PDS5B: variants seen among roughly 807,000 people sequenced by gnomAD.
PDS5B encodes PDS5 cohesin associated factor B.
PDS5B carries 51 observed loss-of-function variants against 184.1 expected under a neutral mutation model. The ratio of observed to expected loss-of-function variants is 0.28; its 90% CI spans 0.22 to 0.35. PDS5B has a LOEUF of 0.35. PDS5B is among the 10% of genes least tolerant of loss of function. The pLI, the probability that PDS5B is intolerant of heterozygous loss-of-function variation, is 1.00. For synonymous variants in PDS5B, 566 were observed against 569.2 expected (o/e 0.99, Z 0.08); for missense variants, 1,180 against 1,723.3 (o/e 0.68, Z 5.58).
chr13:32,682,985 C>A (rs1951287138), intron 10 of PDS5B, among the ~76,000 whole-genome samples: 1 of 151,860 alleles, frequency 6.6e-6, no homozygotes, highest in Non-Finnish European at 1.5e-5. Context: ...TTGTTGTGAT[C>A]TCTTCTCTTG....
intron 12 of PDS5B, 37 bp from the exon 13 acceptor site, chr13:32,688,417 GAA>G: frequency 9.6e-7 from 1 of 1,041,778 alleles, no homozygotes; most frequent in Non-Finnish European, 1.4e-6. Flanking sequence ...TAGAACATTA[GAA>G]AAAAATCAAT....
intron 33 of PDS5B, among the ~76,000 whole-genome samples, chr13:32,772,796 G>T (rs1954834296): frequency 1.3e-5 from 2 of 152,274 alleles, no homozygotes; most frequent in Admixed American, 1.3e-4. Context: ...TGGAGATGTG[G>T]AGAGAAGTGA....
chr13:32,673,467 A>T, intron 8 of PDS5B, 111 bp downstream of exon 8: 1 of 841,400 alleles, frequency 1.2e-6, no homozygotes, highest in East Asian at 2.7e-5. Context: ...GATGAGGGGG[A>T]AGTATTACTA....
At position 32,777,857 on chromosome 13, in the gene PDS5B, C is replaced by A. The variant is rs7326102; in HGVS notation, c.*2805C>A. ...CTGATTTTTAAGATTTCCTTTTGTC[C>A]ACTTGTAAGAATGTCAGGAATTTAA... On this transcript the variant is annotated 3_prime_UTR_variant, in exon 35 of 35. Coordinates refer to ENST00000315596, the MANE Select transcript of PDS5B (RefSeq NM_015032.4). 2 of 152,022 alleles carry A rather than the reference C, an allele frequency of 1.3e-5. No homozygotes were observed. The highest frequency in any genetic ancestry group is 2.4e-5 in the African/African-American group (1 of 41,314). The allele number at this position is 152,022 out of a possible 1,614,324, so 9.4% of individuals were successfully genotyped here.
At chr13:32,716,682 C>CT (rs1952439300) in intron 19 of PDS5B, among the ~76,000 whole-genome samples, 1 of 134,772 alleles carries the variant, frequency 7.4e-6, no homozygotes, top group Non-Finnish European at 1.6e-5. Flanking sequence ...GTCAGCCCCC[C>CT]GCCCGGCCAG....
At chr13:32,734,015 A>ACACACACACACACACACACACACACACAC (rs1555312887) in intron 20 of PDS5B, among the ~76,000 whole-genome samples, 2 of 58,156 alleles carry the variant, frequency 3.4e-5, no homozygotes, top group African/African-American at 2.5e-4. Context: ...CACACACACA[A>ACACACACACACACACACACACACACACAC]ACATATATTT....
chr13:32,698,978 C>T (rs1951788621), intron 15 of PDS5B, among the ~76,000 whole-genome samples: 1 of 152,164 alleles, frequency 6.6e-6, no homozygotes, highest in Non-Finnish European at 1.5e-5. Flanking sequence ...TGGTCTTGAA[C>T]TCCTGACCTC....
chr13:32,663,398 T>C (rs1456696285), intron 6 of PDS5B, among the ~76,000 whole-genome samples: 1 of 152,096 alleles, frequency 6.6e-6, no homozygotes, highest in African/African-American at 2.4e-5. Flanking sequence ...AAAATACTAT[T>C]GATAATCACC....
At chr13:32,586,901 G>A (rs1247617358) in intron 1 of PDS5B, among the ~76,000 whole-genome samples, 2 of 142,872 alleles carry the variant, frequency 1.4e-5, no homozygotes, top group African/African-American at 5.0e-5. Context: ...TAAACTTGCC[G>A]CTCTGATCCC....
Position 32,658,263 on chromosome 13 carries a change from C to A in PDS5B, c.337C>A (p.Gln113Lys). 6.7e-7 allele frequency: 1 copy of A among 1,492,392 alleles called. No individual in the cohort carries two copies. The highest frequency in any genetic ancestry group is 9.3e-7 in the Non-Finnish European group (1 of 1,077,572). The allele number at this position is 1,492,392 out of a possible 1,614,324, so 92.4% of individuals were successfully genotyped here. The change falls in exon 4 of 35, where the codon CAG becomes AAG. Residue 113 changes from glutamine to lysine, a missense_variant. Around this residue, in one of 11 missense-constraint regions of PDS5B, gnomAD observed 22 missense variants for 46.8 expected, o/e 0.47. Coordinates refer to ENST00000315596, the MANE Select transcript of PDS5B (RefSeq NM_015032.4). Reference sequence around the variant, plus strand: ...GGATATATTTATGTTTATAACAAGACAGTTGAAGGGGCTAGAGGATACAAA... The same window carrying A: ...GGATATATTTATGTTTATAACAAGAAAGTTGAAGGGGCTAGAGGATACAAA... ...LKDIFMFITR[Q>K]LKGLEDTKSP...
chr13:32,694,416 G>C, intron 14 of PDS5B, 112 bp downstream of exon 14: 1 of 721,226 alleles, frequency 1.4e-6, no homozygotes, highest in South Asian at 1.6e-5. Context: ...AGTTCTGATT[G>C]TAGAAGTTAG....
intron 8 of PDS5B, among the ~76,000 whole-genome samples, chr13:32,674,744 A>G (rs1951021997): frequency 6.6e-6 from 1 of 152,014 alleles, no homozygotes. Flanking sequence ...AAGCATATAG[A>G]GGTAGGAAGG....
At chr13:32,608,784 C>G (rs937702837) in intron 1 of PDS5B, among the ~76,000 whole-genome samples, 1 of 152,136 alleles carries the variant, frequency 6.6e-6, no homozygotes, top group Non-Finnish European at 1.5e-5. Context: ...AGTTGGAGAA[C>G]GAGATTTGAT....
At chr13:32,606,457 C>T (rs1042676320) in intron 1 of PDS5B, among the ~76,000 whole-genome samples, 2 of 152,162 alleles carry the variant, frequency 1.3e-5, no homozygotes, top group African/African-American at 4.8e-5. Flanking sequence ...GATGGGCTTC[C>T]CTTTGTGGGT....
intron 1 of PDS5B, among the ~76,000 whole-genome samples, chr13:32,592,126 C>T (rs2057785481): frequency 6.6e-6 from 1 of 152,146 alleles, no homozygotes; most frequent in African/African-American, 2.4e-5. Flanking sequence ...ATCACTTCTC[C>T]CTCCCACCTT....
intron 1 of PDS5B, among the ~76,000 whole-genome samples, chr13:32,594,240 A>C (rs929797568): frequency 1.3e-5 from 2 of 151,910 alleles, no homozygotes; most frequent in Middle Eastern, 3.2e-3. Flanking sequence ...ATGTAAGTAC[A>C]CAGTAAAAAA....
intron 30 of PDS5B, among the ~76,000 whole-genome samples, chr13:32,762,053 A>G (rs1260591963): frequency 1.3e-5 from 2 of 152,190 alleles, no homozygotes; most frequent in African/African-American, 4.8e-5. Context: ...TTCTCTGATG[A>G]TTAGCGATGA....
intron 13 of PDS5B, chr13:32,690,539 G>A (rs1951520263): frequency 6.6e-6 from 1 of 152,070 alleles, no homozygotes; most frequent in Non-Finnish European, 1.5e-5. Flanking sequence ...AAAATGTATA[G>A]CTTCCAAACA....
At chr13:32,623,906 G>A (rs1205600122) in intron 1 of PDS5B, among the ~76,000 whole-genome samples, 1 of 151,980 alleles carries the variant, frequency 6.6e-6, no homozygotes, top group Non-Finnish European at 1.5e-5. Flanking sequence ...CCACCTCCTG[G>A]GTTCAAGTGA....
Sources: allele counts gnomAD v4.1 joint callset (sites outside exome capture counted in the v4.1 genomes callset), GRCh38; gene constraint gnomAD v4.1.1; regional missense constraint gnomAD v4.1.1; transcripts MANE v1.5; gene names NCBI Gene and HGNC (gene_info 2026-07-23, HGNC 2026-07-21).